SYNDIG1L: variants seen among roughly 807,000 people sequenced by gnomAD.
The protein encoded by SYNDIG1L is synapse differentiation inducing 1 like, also known as synapse differentiation-inducing gene protein 1-like.
Under a neutral mutation model 20.1 loss-of-function variants are expected in SYNDIG1L, and 13 were observed. The ratio of observed to expected loss-of-function variants is 0.65; its 90% CI spans 0.42 to 1.03. SYNDIG1L has a LOEUF of 1.03. Among genes scored for constraint, SYNDIG1L ranks in the 50% least tolerant of loss-of-function variants. SYNDIG1L has a pLI of 0.00. For synonymous variants in SYNDIG1L, 128 were observed against 129.3 expected (o/e 0.99, Z 0.07); for missense variants, 294 against 305.1 (o/e 0.96, Z 0.27).
the SYNDIG1L span, among the ~76,000 whole-genome samples, chr14:74,455,609 G>A: frequency 2.0e-5 from 3 of 152,066 alleles, no homozygotes; most frequent in South Asian, 2.1e-4. Context: ...TAGTAGAGAC[G>A]GGATTTCGCC....
At position 74,407,203 on chromosome 14, in the gene SYNDIG1L, C is replaced by T; in HGVS notation, c.*332G>A. 1 of 347,006 alleles carries T rather than the reference C, an allele frequency of 2.9e-6. No individual in the cohort carries two copies. The highest frequency in any genetic ancestry group is 3.5e-5 in the South Asian group (1 of 28,526). 21.5% of individuals were successfully genotyped at this position (347,006 alleles called of 1,614,324 possible). A position where few individuals can be genotyped will look rare whatever the true frequency, so the allele number is the denominator to read the frequency against. On this transcript the variant is annotated 3_prime_UTR_variant, in exon 4 of 4. Coordinates refer to ENST00000331628, the MANE Select transcript of SYNDIG1L (RefSeq NM_001105579.2). The stretch of plus-strand genomic sequence containing the variant: ...GGAGGTTGGCAGGGTAGGTGGTGGG[C>T]TGGCTGTAGGGCAGGAGATCCTCTA...
the SYNDIG1L span, among the ~76,000 whole-genome samples, chr14:74,472,926 G>A: frequency 6.6e-6 from 1 of 152,110 alleles, no homozygotes; most frequent in Non-Finnish European, 1.5e-5. Context: ...GGAGGGGGGC[G>A]GAATTCTAAA....
chr14:74,441,304 T>C, the SYNDIG1L span, among the ~76,000 whole-genome samples: 1 of 152,184 alleles, frequency 6.6e-6, no homozygotes, highest in African/African-American at 2.4e-5. Flanking sequence ...CAAAAAAGTT[T>C]GGAAGCACTG....
chr14:74,443,390 C>T, the SYNDIG1L span, among the ~76,000 whole-genome samples: 1 of 152,158 alleles, frequency 6.6e-6, no homozygotes, highest in African/African-American at 2.4e-5. Flanking sequence ...CACTGGTGAC[C>T]TTAGCGAGAA....
At chr14:74,430,673 G>T (rs2086296380), upstream of SYNDIG1L, among the ~76,000 whole-genome samples, 1 of 152,132 alleles carries the variant, frequency 6.6e-6, no homozygotes, top group Non-Finnish European at 1.5e-5. Flanking sequence ...GACCTCAATT[G>T]ATCCACCCGC....
the SYNDIG1L span, among the ~76,000 whole-genome samples, chr14:74,451,488 A>C: frequency 2.0e-5 from 3 of 152,208 alleles, no homozygotes; most frequent in Non-Finnish European, 2.9e-5. Flanking sequence ...TGACATTGGA[A>C]AAAAATCTTT....
the SYNDIG1L span, among the ~76,000 whole-genome samples, chr14:74,458,227 T>G: frequency 6.6e-6 from 1 of 152,154 alleles, no homozygotes; most frequent in African/African-American, 2.4e-5. Context: ...GTAGTCTGTA[T>G]GTCAGGCTCT....
chr14:74,443,412 G>A, the SYNDIG1L span, among the ~76,000 whole-genome samples: 229 of 152,326 alleles, frequency 1.5e-3, 1 homozygote, highest in South Asian at 0.011. Flanking sequence ...TGTGGATGAG[G>A]AGTGGCAGGG....
Position 74,407,189 on chromosome 14 carries a change from G to T in SYNDIG1L, c.*346C>A. 3.1e-6 allele frequency: 1 copy of T among 322,354 alleles called. No individual in the cohort carries two copies. 20.0% of individuals were successfully genotyped at this position (322,354 alleles called of 1,614,324 possible). On this transcript the variant is annotated 3_prime_UTR_variant, in exon 4 of 4. Transcript: ENST00000331628. ...CTCTTTCTCTGTGGGGAGGTTGGCA[G>T]GGTAGGTGGTGGGCTGGCTGTAGGG...
chr14:74,427,081 C>T (rs1595201407), upstream of SYNDIG1L, among the ~76,000 whole-genome samples: 1 of 151,426 alleles, frequency 6.6e-6, no homozygotes, highest in East Asian at 1.9e-4. Flanking sequence ...TTTGTCTCCA[C>T]CCTGTGCTGC....
the SYNDIG1L span, chr14:74,476,434 G>A: frequency 1.3e-5 from 14 of 1,103,896 alleles, no homozygotes; most frequent in East Asian, 3.6e-4. Flanking sequence ...CCTGCTAGAA[G>A]GGAGCCGTCC....
At chr14:74,468,321 C>T in the SYNDIG1L span, among the ~76,000 whole-genome samples, 2 of 152,284 alleles carry the variant, frequency 1.3e-5, no homozygotes, top group Non-Finnish European at 2.9e-5. Flanking sequence ...AGGCATTACT[C>T]GTGGCCAGAA....
At chr14:74,458,621 C>CAAAAAAAAAAAAA in the SYNDIG1L span, among the ~76,000 whole-genome samples, 1 of 79,830 alleles carries the variant, frequency 1.3e-5, no homozygotes, top group African/African-American at 4.6e-5. Context: ...GACTCCATCT[C>CAAAAAAAAAAAAA]AAAAAAAAAA....
the SYNDIG1L span, among the ~76,000 whole-genome samples, chr14:74,459,656 G>A: frequency 6.6e-6 from 1 of 152,218 alleles, no homozygotes; most frequent in South Asian, 2.1e-4. Context: ...TGGTCCAGGA[G>A]CCTGTGGGGG....
intron 1 of SYNDIG1L, among the ~76,000 whole-genome samples, chr14:74,415,630 T>C (rs2086168077): frequency 6.6e-6 from 1 of 152,140 alleles, no homozygotes; most frequent in African/African-American, 2.4e-5. Flanking sequence ...GCCTCGACTT[T>C]TTGGGCTCAA....
At chr14:74,439,739 C>T in the SYNDIG1L span, among the ~76,000 whole-genome samples, 3 of 151,632 alleles carry the variant, frequency 2.0e-5, no homozygotes, top group African/African-American at 7.3e-5. Flanking sequence ...ATTAGCCGGG[C>T]GTGGTGGTGC....
intron 1 of SYNDIG1L, among the ~76,000 whole-genome samples, chr14:74,417,814 T>A (rs1437550206): frequency 6.6e-6 from 1 of 151,772 alleles, no homozygotes; most frequent in Non-Finnish European, 1.5e-5. Flanking sequence ...AAAACCAGAG[T>A]CTTAAGTGAC....
chr14:74,463,282 T>G, the SYNDIG1L span, among the ~76,000 whole-genome samples: 5 of 152,254 alleles, frequency 3.3e-5, no homozygotes, highest in African/African-American at 1.2e-4. Context: ...GCTCCTGGAG[T>G]TCCTTTGCCT....
chr14:74,447,584 C>T, the SYNDIG1L span, among the ~76,000 whole-genome samples: 2 of 90,096 alleles, frequency 2.2e-5, no homozygotes, highest in Non-Finnish European at 4.1e-5. Flanking sequence ...AAAACTCTGT[C>T]TCAAAAAAAA....
Sources: allele counts gnomAD v4.1 joint callset (sites outside exome capture counted in the v4.1 genomes callset), GRCh38; gene constraint gnomAD v4.1.1; transcripts MANE v1.5; gene names NCBI Gene and HGNC (gene_info 2026-07-23, HGNC 2026-07-21).